The following FREM1 variants were observed in gnomAD, a reference collection of about 807,000 sequenced individuals.
FREM1 encodes FRAS1 related extracellular matrix 1.
A neutral mutation model predicts 210.1 loss-of-function variants in FREM1; 220 were observed. The observed-to-expected ratio is 1.05, with a 90% confidence interval of 0.94 to 1.17. The LOEUF (loss-of-function observed/expected upper bound fraction) is 1.17, where lower values mean the gene tolerates loss of function less well. Among genes scored for constraint, FREM1 ranks in the 50% most tolerant of loss-of-function variants. The probability of loss-of-function intolerance (pLI) is 0.00; values close to 1 mark genes in which losing one functional copy is unlikely to be tolerated. For missense variants in FREM1, 3,454 were observed against 2,675.5 expected (o/e 1.29, Z -6.42); for synonymous variants, 1,189 against 980.2 (o/e 1.21, Z -3.98).
chr9:14,863,924 G>C (rs771521531), intron 2 of FREM1, 21 bp from the exon 3 acceptor site: 17 of 1,445,954 alleles, frequency 1.2e-5, no homozygotes, highest in Non-Finnish European at 1.6e-5. Flanking sequence ...TGAAGAATTG[G>C]ATAAATATCT....
intron 1 of FREM1, among the ~76,000 whole-genome samples, chr9:14,905,627 G>A (rs187922089): frequency 8.1e-4 from 124 of 152,316 alleles, no homozygotes; most frequent in African/African-American, 2.5e-3. Context: ...AGTGGCTCAC[G>A]CCTATAACCC....
intron 16 of FREM1, among the ~76,000 whole-genome samples, chr9:14,809,484 T>A (rs2133478822): frequency 6.6e-6 from 1 of 152,172 alleles, no homozygotes; most frequent in East Asian, 1.9e-4. Flanking sequence ...AAGGAAAATC[T>A]AGAGATTATA....
At chr9:14,803,712 G>C (rs1306177162) in intron 19 of FREM1, among the ~76,000 whole-genome samples, 1 of 152,002 alleles carries the variant, frequency 6.6e-6, no homozygotes, top group East Asian at 1.9e-4. Flanking sequence ...ACTTTGAAGG[G>C]CACCCTCCTG....
intron 35 of FREM1, among the ~76,000 whole-genome samples, chr9:14,742,097 T>G (rs1841673809): frequency 6.6e-6 from 1 of 152,196 alleles, no homozygotes; most frequent in South Asian, 2.1e-4. Context: ...TTTTATTTTA[T>G]GCTCACATAC....
intron 35 of FREM1, among the ~76,000 whole-genome samples, chr9:14,741,740 G>A (rs1425211879): frequency 6.6e-6 from 1 of 152,180 alleles, no homozygotes; most frequent in African/African-American, 2.4e-5. Flanking sequence ...TTCCCTGACT[G>A]AATTCCCTAA....
chr9:14,859,052 A>C (rs552384955), intron 4 of FREM1, 131 bp downstream of exon 4: 1 of 653,414 alleles, frequency 1.5e-6, no homozygotes, highest in East Asian at 2.8e-5. Flanking sequence ...GCTCTTAACC[A>C]CTAACTGACA....
chr9:14,837,509 G>A (rs1824856268), intron 10 of FREM1, among the ~76,000 whole-genome samples: 1 of 151,846 alleles, frequency 6.6e-6, no homozygotes, highest in Non-Finnish European at 1.5e-5. Flanking sequence ...AATTATTACA[G>A]GGGTATAAAA....
At chr9:14,806,280 GT>G (rs1463373120) in intron 18 of FREM1, among the ~76,000 whole-genome samples, 1 of 95,108 alleles carries the variant, frequency 1.1e-5, no homozygotes, top group African/African-American at 3.4e-5. Context: ...TTGAGACGGA[GT>G]TTCCGCTCCT....
chr9:14,874,975 T>C (rs555146468), intron 1 of FREM1, among the ~76,000 whole-genome samples: 2 of 152,336 alleles, frequency 1.3e-5, no homozygotes, highest in African/African-American at 2.4e-5. Context: ...TTCTTTTCTT[T>C]AAGAATCTTG....
chr9:14,879,268 G>A (rs1333058957), intron 1 of FREM1, among the ~76,000 whole-genome samples: 3 of 151,652 alleles, frequency 2.0e-5, no homozygotes. Flanking sequence ...ACATCATCCT[G>A]GGATATATGG....
intron 1 of FREM1, among the ~76,000 whole-genome samples, chr9:14,880,374 C>A (rs535021484): frequency 6.6e-6 from 1 of 152,008 alleles, no homozygotes; most frequent in Non-Finnish European, 1.5e-5. Context: ...GAAGCCGAGG[C>A]GGGTGGATCA....
chr9:14,773,780 T>A (rs67240670), intron 25 of FREM1, among the ~76,000 whole-genome samples: 17,218 of 152,116 alleles, frequency 0.11, 1,061 homozygotes, highest in South Asian at 0.15. Flanking sequence ...CTGATTCAAG[T>A]TCTGGTACTT....
intron 29 of FREM1, among the ~76,000 whole-genome samples, chr9:14,752,739 A>C (rs765925076): frequency 3.3e-5 from 5 of 152,196 alleles, no homozygotes; most frequent in Non-Finnish European, 7.3e-5. Context: ...TTTGACCCTC[A>C]AAGACCATAA....
chr9:14,770,861 A>C (rs1847443102), intron 25 of FREM1, 55 bp from the exon 26 acceptor site: 2 of 1,300,378 alleles, frequency 1.5e-6, no homozygotes, highest in Non-Finnish European at 2.2e-6. Flanking sequence ...ACCCCCATGC[A>C]ACGTTGGGCT....
At chr9:14,771,836 T>C (rs1847623088) in intron 25 of FREM1, among the ~76,000 whole-genome samples, 1 of 152,138 alleles carries the variant, frequency 6.6e-6, no homozygotes, top group Non-Finnish European at 1.5e-5. Flanking sequence ...AATGAATTGA[T>C]GATGAAAAAT....
At chr9:14,770,191 G>A (rs1847276328) in intron 26 of FREM1, among the ~76,000 whole-genome samples, 1 of 152,066 alleles carries the variant, frequency 6.6e-6, no homozygotes, top group Non-Finnish European at 1.5e-5. Flanking sequence ...TGCTCATAAA[G>A]TAGAAATAAT....
At chr9:14,815,487 G>A (rs747294188) in intron 15 of FREM1, among the ~76,000 whole-genome samples, 1 of 152,092 alleles carries the variant, frequency 6.6e-6, no homozygotes, top group African/African-American at 2.4e-5. Flanking sequence ...CTAGAACAAT[G>A]AAAATAATTA....
intron 1 of FREM1, among the ~76,000 whole-genome samples, chr9:14,886,532 A>C (rs1051159614): frequency 6.6e-6 from 1 of 152,194 alleles, no homozygotes; most frequent in African/African-American, 2.4e-5. Flanking sequence ...AAGAAAGCCA[A>C]TGAAGATTTT....
chr9:14,747,203 G>A, intron 33 of FREM1, 61 bp downstream of exon 33: 1 of 1,584,594 alleles, frequency 6.3e-7, no homozygotes. Context: ...AATTAAGTGT[G>A]TTTCTGGCCC....
Sources: gnomAD v4.1 joint callset for allele counts (sites outside exome capture counted in the v4.1 genomes callset) on GRCh38, gnomAD v4.1.1 for gene constraint, MANE v1.5 for transcripts, NCBI Gene and HGNC (gene_info 2026-07-23, HGNC 2026-07-21) for gene names.